The following NPSR1 variants were observed in gnomAD, a reference collection of about 807,000 sequenced individuals.
NPSR1 encodes neuropeptide S receptor 1.
A neutral mutation model predicts 46.9 loss-of-function variants in NPSR1; 48 were observed. That is an observed-to-expected ratio of 1.02 (90% CI 0.81 to 1.30). NPSR1 has a LOEUF of 1.30. Among genes scored for constraint, NPSR1 ranks in the 50% most tolerant of loss-of-function variants. The probability of loss-of-function intolerance (pLI) is 0.00; values close to 1 mark genes in which losing one functional copy is unlikely to be tolerated. For synonymous variants in NPSR1, 176 were observed against 168.1 expected (o/e 1.05, Z -0.36); for missense variants, 450 against 449.5 (o/e 1.00, Z -0.01).
chr7:34,665,143 T>A (rs1173011856), intron 1 of NPSR1, among the ~76,000 whole-genome samples: 2 of 152,192 alleles, frequency 1.3e-5, no homozygotes, highest in Non-Finnish European at 2.9e-5. Context: ...GAAAGAGAAT[T>A]CTGAGCTGAT....
intron 2 of NPSR1, among the ~76,000 whole-genome samples, chr7:34,689,992 C>T (rs1047108983): frequency 4.0e-5 from 6 of 151,314 alleles, no homozygotes; most frequent in Non-Finnish European, 7.4e-5. Context: ...AATCTGATGA[C>T]ATAACTGCAC....
rs898246664 is a variant in NPSR1 at position 34,756,215 on chromosome 7, G to A, written c.281-22247G>A. ...TACTTCCTGTCCTAATTAATCAAAT[G>A]CTCTTGAACATGAAAGAGAGTGAGA... On this transcript the variant is annotated intron_variant, in intron 2 of 8. Coordinates refer to ENST00000360581, the MANE Select transcript of NPSR1 (RefSeq NM_207172.2). Among the ~76,000 whole-genome samples, 3 of 152,144 alleles carry A rather than the reference G, an allele frequency of 2.0e-5. No homozygotes were observed. In the East Asian group the frequency reaches 5.8e-4, roughly 29 times the overall value.
At chr7:34,821,174 G>A (rs561545870) in intron 4 of NPSR1, among the ~76,000 whole-genome samples, 1 of 125,904 alleles carries the variant, frequency 7.9e-6, no homozygotes, top group Admixed American at 1.0e-4. Context: ...TCACTCTGTC[G>A]CCCGGGCTAG....
intron 8 of NPSR1, among the ~76,000 whole-genome samples, chr7:34,865,636 T>C (rs2128768828): frequency 6.6e-6 from 1 of 151,788 alleles, no homozygotes; most frequent in East Asian, 1.9e-4. Context: ...CCCATCAGAT[T>C]CTATATACTG....
intron 1 of NPSR1, among the ~76,000 whole-genome samples, chr7:34,663,584 C>T (rs10269833): frequency 0.01 from 1,552 of 152,238 alleles, 27 homozygotes; most frequent in African/African-American, 0.036. Flanking sequence ...TCTCTTCCTC[C>T]GCTTTTTCCT....
intron 1 of NPSR1, among the ~76,000 whole-genome samples, chr7:34,666,450 T>C (rs1388745986): frequency 1.3e-5 from 2 of 152,176 alleles, no homozygotes; most frequent in African/African-American, 4.8e-5. Context: ...GATTTTTCCT[T>C]TTCTGATGAA....
At chr7:34,801,542 T>C (rs2128747443) in intron 3 of NPSR1, among the ~76,000 whole-genome samples, 2 of 137,736 alleles carry the variant, frequency 1.5e-5, no homozygotes, top group East Asian at 2.1e-4. Flanking sequence ...AAACACTCAA[T>C]AAATTAGGTA....
chr7:34,775,217 G>C (rs1236072869), intron 2 of NPSR1, among the ~76,000 whole-genome samples: 1 of 152,122 alleles, frequency 6.6e-6, no homozygotes, highest in Non-Finnish European at 1.5e-5. Context: ...ACCTTATTAT[G>C]ACAGATGTTT....
chr7:34,876,188 G>A (rs574295947), intron 8 of NPSR1, among the ~76,000 whole-genome samples: 85 of 152,270 alleles, frequency 5.6e-4, no homozygotes, highest in Middle Eastern at 6.8e-3. Flanking sequence ...AGCTTGGAAG[G>A]GAGGAGAGAA....
At chr7:34,836,773 A>C (rs1790391905) in intron 6 of NPSR1, among the ~76,000 whole-genome samples, 1 of 152,052 alleles carries the variant, frequency 6.6e-6, no homozygotes, top group African/African-American at 2.4e-5. Flanking sequence ...AGAAAGAGAA[A>C]GAAAAAAATA....
At chr7:34,811,163 G>A (rs933152078) in intron 3 of NPSR1, among the ~76,000 whole-genome samples, 18 of 152,094 alleles carry the variant, frequency 1.2e-4, no homozygotes, top group East Asian at 5.8e-4. Flanking sequence ...CCATGTCCTC[G>A]TCCATAGGCC....
chr7:34,736,794 A>G (rs904600141), intron 2 of NPSR1, among the ~76,000 whole-genome samples: 6 of 152,070 alleles, frequency 3.9e-5, no homozygotes, highest in Non-Finnish European at 5.9e-5. Context: ...TTTTGTAGAC[A>G]TAAGGTCTCT....
chr7:34,779,394 C>T lies in NPSR1; in HGVS notation c.384+829C>T, dbSNP rs193054837. Reference sequence around the variant, plus strand: ...TTATTCTGATGCTAGTACTTCAGGTCTAAATTATTATAGCTTTATGTATAT... The same window carrying T: ...TTATTCTGATGCTAGTACTTCAGGTTTAAATTATTATAGCTTTATGTATAT... On this transcript the variant is annotated intron_variant, in intron 3 of 8. Transcript: ENST00000360581. 3.2e-3 allele frequency: 881 copies of T among 276,586 alleles called. 3 individuals are homozygous for T. The highest frequency in any genetic ancestry group is 4.3e-3 in the Non-Finnish European group (611 of 143,230). The allele number at this position is 276,586 out of a possible 1,614,324, so 17.1% of individuals were successfully genotyped here. A position where few individuals can be genotyped will look rare whatever the true frequency, so the allele number is the denominator to read the frequency against.
intron 1 of NPSR1, among the ~76,000 whole-genome samples, chr7:34,658,839 C>T (rs772002533): frequency 1.3e-5 from 2 of 152,078 alleles, no homozygotes; most frequent in Non-Finnish European, 2.9e-5. Context: ...TTTACTTTCC[C>T]CCTTTCCTTA....
chr7:34,870,404 C>T (rs1791423127), intron 8 of NPSR1, among the ~76,000 whole-genome samples: 1 of 151,784 alleles, frequency 6.6e-6, no homozygotes, highest in African/African-American at 2.4e-5. Context: ...CAGCTGTCAT[C>T]AGACTTCATT....
chr7:34,877,652 G>A (rs1791609445), intron 8 of NPSR1, among the ~76,000 whole-genome samples: 1 of 152,196 alleles, frequency 6.6e-6, no homozygotes, highest in Non-Finnish European at 1.5e-5. Flanking sequence ...GGCCGTCAGG[G>A]TAGAATTGGT....
At chr7:34,875,255 T>C (rs1229271938) in intron 8 of NPSR1, among the ~76,000 whole-genome samples, 1 of 152,178 alleles carries the variant, frequency 6.6e-6, no homozygotes, top group Non-Finnish European at 1.5e-5. Flanking sequence ...CCTTTGCTAG[T>C]AAAAAACAGG....
At chr7:34,767,144 T>C (rs1020642549) in intron 2 of NPSR1, among the ~76,000 whole-genome samples, 6 of 152,258 alleles carry the variant, frequency 3.9e-5, no homozygotes, top group Admixed American at 1.3e-4. Context: ...CTTGTAAAAA[T>C]TGGTGATGTG....
At chr7:34,701,368 T>G (rs1793821389) in intron 2 of NPSR1, among the ~76,000 whole-genome samples, 1 of 152,176 alleles carries the variant, frequency 6.6e-6, no homozygotes, top group Non-Finnish European at 1.5e-5. Context: ...AAAAACTTTT[T>G]CATAAACTGT....
Sources: gnomAD v4.1 joint callset for allele counts (sites outside exome capture counted in the v4.1 genomes callset) on GRCh38, gnomAD v4.1.1 for gene constraint, MANE v1.5 for transcripts, NCBI Gene and HGNC (gene_info 2026-07-23, HGNC 2026-07-21) for gene names.